The following RABL6 variants were observed in gnomAD, a reference collection of about 807,000 sequenced individuals.
RABL6 encodes rab-like protein 6.
In RABL6, 28 loss-of-function variants were observed where a neutral mutation model predicts 72.9. The observed-to-expected ratio is 0.38, with a 90% CI of 0.28 to 0.53. The LOEUF is 0.53. RABL6 is among the 20% of genes least tolerant of loss of function. RABL6 has a pLI of 0.80. For missense variants in RABL6, 1,029 were observed against 1,008.4 expected (o/e 1.02, Z -0.28); for synonymous variants, 477 against 421.2 (o/e 1.13, Z -1.62).
chr9:136,840,104 G>A (rs749595571), intron 13 of RABL6, 50 bp from the exon 14 acceptor site: 1 of 1,611,134 alleles, frequency 6.2e-7, no homozygotes, highest in East Asian at 2.2e-5. Context: ...CACCCAGCTT[G>A]GGGTCCCCGT....
At chr9:136,812,427 C>T (rs1442474936) in intron 1 of RABL6, among the ~76,000 whole-genome samples, 1 of 151,958 alleles carries the variant, frequency 6.6e-6, no homozygotes, top group Non-Finnish European at 1.5e-5. Flanking sequence ...GGTGTGGTGG[C>T]GTATGCCTGT....
chr9:136,814,750 TAA>T (rs762218422), intron 1 of RABL6: 51 of 141,652 alleles, frequency 3.6e-4, no homozygotes, highest in Admixed American at 4.2e-4. Flanking sequence ...GACCCTGTCT[TAA>T]AAAAAAAAAA....
intron 1 of RABL6, chr9:136,808,703 T>G: frequency 6.6e-6 from 1 of 152,652 alleles, no homozygotes; most frequent in Non-Finnish European, 1.5e-5. Flanking sequence ...CGCTCCACGG[T>G]GCCCAGCCCC....
Position 136,840,896 on chromosome 9 carries a change from G to A in RABL6, c.*374G>A. Reference sequence around the variant, plus strand: ...TGGCTGTGGGGTGTGCGCTGCCCCGGCACCTGCTTGCCCTCCGCGCTCATC... The same window carrying A: ...TGGCTGTGGGGTGTGCGCTGCCCCGACACCTGCTTGCCCTCCGCGCTCATC... On this transcript the variant is annotated 3_prime_UTR_variant, in exon 15 of 15. Coordinates refer to ENST00000311502, the MANE Select transcript of RABL6 (RefSeq NM_024718.5). 6.6e-7 allele frequency: 1 copy of A among 1,507,044 alleles called. No individual in the cohort carries two copies. The highest frequency in any genetic ancestry group is 8.9e-7 in the Non-Finnish European group (1 of 1,123,142). The allele number at this position is 1,507,044 out of a possible 1,614,324, so 93.4% of individuals were successfully genotyped here.
At chr9:136,834,623 C>CAT (rs1405612507) in intron 7 of RABL6, 1 of 323,826 alleles carries the variant, frequency 3.1e-6, no homozygotes, top group Non-Finnish European at 4.4e-6. Flanking sequence ...GGATTACAGG[C>CAT]GCCTGCCACC....
chr9:136,823,482 G>A (rs769861226), intron 1 of RABL6, 43 bp from the exon 2 acceptor site: 113 of 1,609,452 alleles, frequency 7.0e-5, no homozygotes, highest in Middle Eastern at 1.6e-4. Context: ...GCTTGGGTTC[G>A]GTTCGTTTAA....
intron 13 of RABL6, 46 bp downstream of exon 13, chr9:136,839,911 A>G (rs1441832157): frequency 1.3e-6 from 2 of 1,580,362 alleles, no homozygotes. Context: ...GAGTTTGGGT[A>G]GAACGTGGGC....
At position 136,832,288 on chromosome 9, in the gene RABL6, G is replaced by T. The variant is rs373810895; in HGVS notation, c.623G>T (p.Arg208Leu). The change falls in exon 7 of 15, where the codon CGC (arginine) becomes CTC (leucine). Residue 208 changes from arginine (R) to leucine (L), a missense_variant. Around this residue, in one of 2 missense-constraint regions of RABL6, gnomAD observed 434 missense variants for 536.1 expected, o/e 0.81. Transcript: ENST00000311502. ...AGACCTCCAGGTTCCTCCTACTTCC[G>T]CTATGCTGAGTCTTCCATGAAGAAC... is the stretch of plus-strand genomic sequence containing the variant. ...LDRPPGSSYFRYAESSMKNSF... is the reference protein window; with the variant it reads ...LDRPPGSSYFLYAESSMKNSF... The T allele has an allele frequency of 2.5e-6, 4 of 1,613,786 alleles. No homozygotes were observed. The East Asian group carries it at 6.7e-5, about 27-fold the overall frequency.
chr9:136,812,810 G>A (rs893609995), intron 1 of RABL6: 2 of 368,710 alleles, frequency 5.4e-6, no homozygotes, highest in Non-Finnish European at 5.4e-6. Flanking sequence ...CTTTCCTTGT[G>A]GCTTGTGGTC....
At chr9:136,821,920 C>T in intron 1 of RABL6, 5 of 1,285,822 alleles carry the variant, frequency 3.9e-6, no homozygotes, top group Non-Finnish European at 5.1e-6. Flanking sequence ...GCGCCTGGGT[C>T]CCCTCTGGAG....
intron 1 of RABL6, among the ~76,000 whole-genome samples, chr9:136,823,036 C>A (rs150757357): frequency 6.6e-6 from 1 of 150,560 alleles, no homozygotes; most frequent in East Asian, 1.9e-4. Flanking sequence ...TGCAGTGAGC[C>A]GAGATAGCAC....
At chr9:136,825,957 T>C (rs1848346714) in intron 3 of RABL6, 131 bp downstream of exon 3, 2 of 1,086,780 alleles carry the variant, frequency 1.8e-6, no homozygotes, top group East Asian at 4.8e-5. Context: ...GTCTTGCTGC[T>C]CTGCTCCCCT....
chr9:136,841,026 C>T lies in RABL6; in HGVS notation c.*504C>T, dbSNP rs752490263. 3.7e-5 allele frequency: 53 copies of T among 1,429,518 alleles called. No homozygotes were observed. The highest frequency in any genetic ancestry group is 2.6e-4 in the East Asian group (10 of 38,688). The allele number at this position is 1,429,518 out of a possible 1,614,324, so 88.6% of individuals were successfully genotyped here. ...CCCAGGCCCCACGCTAGAAGGCTGG[C>T]GAGACCGAAGGCAGCATGTGAGGCC... On this transcript the variant is annotated 3_prime_UTR_variant, in exon 15 of 15. Coordinates refer to ENST00000311502, the MANE Select transcript of RABL6 (RefSeq NM_024718.5).
At position 136,835,695 on chromosome 9, in the gene RABL6, G is replaced by A. The variant is rs149957375; in HGVS notation, c.706-47G>A. ...CAGGGGCTGTGGGGCTGGGGCACTCGCAGCAGGAAGGAGCCCTGCTCAGGC... is the reference window on the plus strand; with the variant it reads ...CAGGGGCTGTGGGGCTGGGGCACTCACAGCAGGAAGGAGCCCTGCTCAGGC... On this transcript the variant is annotated intron_variant, in intron 7 of 14. Coordinates refer to ENST00000311502, the MANE Select transcript of RABL6 (RefSeq NM_024718.5). The A allele has an allele frequency of 3.8e-4, 563 of 1,489,302 alleles. 1 individual carries two copies. In the African/African-American group the frequency reaches 6.0e-3, roughly 16 times the overall value. 92.3% of individuals were successfully genotyped at this position (1,489,302 alleles called of 1,614,324 possible). A position where few individuals can be genotyped will look rare whatever the true frequency, so the allele number is the denominator to read the frequency against.
In RABL6 at chr9:136,837,661, A is replaced by G; in HGVS notation, c.1125A>G (p.Pro375=). The G allele has an allele frequency of 6.3e-7, 1 of 1,582,726 alleles. No homozygotes were observed. Among genetic ancestry groups the G allele is most frequent in the Non-Finnish European group, 8.6e-7 (1 of 1,166,176 alleles). Residue 375 remains proline, a splice_region_variant and synonymous_variant, in exon 9 of 15, where the codon CCA becomes CCG. Transcript: ENST00000311502. The part of the protein sequence containing the change: ...SPATEAAPPP[P]EPVPAAEGPA... ...CCACCGAGGCAGCCCCTCCACCTCC[A>G]GGTAGGCCCTGGAGCTGCCCCTCCC...
chr9:136,829,319 T>C, intron 4 of RABL6, 74 bp from the exon 5 acceptor site: 1 of 1,152,994 alleles, frequency 8.7e-7, no homozygotes, highest in Non-Finnish European at 1.3e-6. Flanking sequence ...CTATCCAGCC[T>C]TTTCTAAAAC....
chr9:136,835,877 G>A lies in RABL6; in HGVS notation c.809+32G>A, dbSNP rs779497186. On this transcript the variant is annotated intron_variant, in intron 8 of 14. Transcript: ENST00000311502. ...GGCCGGACCCGCCCGTGCGGGCGGT[G>A]TGGGGGCTGCGGGCGTGGCCGTGGT... 4 of 1,540,808 alleles carry A rather than the reference G, an allele frequency of 2.6e-6. No homozygotes were observed. In the South Asian group the frequency reaches 4.8e-5, roughly 18 times the overall value.
chr9:136,828,642 C>T lies in RABL6; in HGVS notation c.366+96C>T, dbSNP rs764569549. ...TCACACGCTTTTGACCCCAACCACC[C>T]CAGTTATGCTGTGGCCACGGGGGCC... On this transcript the variant is annotated intron_variant, in intron 4 of 14. Coordinates refer to ENST00000311502, the MANE Select transcript of RABL6 (RefSeq NM_024718.5). 11 of 1,352,580 alleles carry T rather than the reference C, an allele frequency of 8.1e-6. No individual in the cohort carries two copies. The South Asian group carries it at 1.3e-4, about 16-fold the overall frequency. 83.8% of individuals were successfully genotyped at this position (1,352,580 alleles called of 1,614,324 possible).
At chr9:136,828,613 C>A in intron 4 of RABL6, 67 bp downstream of exon 4, 1 of 1,526,038 alleles carries the variant, frequency 6.6e-7, no homozygotes. Flanking sequence ...CGGTGCCCAG[C>A]GCTTCACACG....
Sources: gnomAD v4.1 joint callset for allele counts (sites outside exome capture counted in the v4.1 genomes callset) on GRCh38, gnomAD v4.1.1 for gene constraint, gnomAD v4.1.1 regional missense constraint, MANE v1.5 for transcripts, NCBI Gene and HGNC (gene_info 2026-07-23, HGNC 2026-07-21) for gene names.